The following CA1 variants were observed in gnomAD, a reference collection of about 807,000 sequenced individuals.
The protein encoded by CA1 is carbonic anhydrase 1.
In CA1, 27 loss-of-function variants were observed where a neutral mutation model predicts 28.8. That is an observed-to-expected ratio of 0.94 (90% CI 0.69 to 1.29). The LOEUF is 1.29. Ranked by LOEUF, CA1 falls within the 50% of genes most tolerant of loss-of-function variation. The probability of loss-of-function intolerance (pLI) is 0.00; values close to 1 mark genes in which losing one functional copy is unlikely to be tolerated. For synonymous variants in CA1, 121 were observed against 108.8 expected (o/e 1.11, Z -0.70); for missense variants, 335 against 310.5 (o/e 1.08, Z -0.59).
At chr8:85,328,748 T>G in intron 7 of CA1, 72 bp from the exon 8 acceptor site, 1 of 868,908 alleles carries the variant, frequency 1.2e-6, no homozygotes, top group Non-Finnish European at 1.9e-6. Context: ...ACAGGATTAC[T>G]AACGCACTGA....
chr8:85,348,165 A>T (rs1809274626), intron 1 of CA1, among the ~76,000 whole-genome samples: 1 of 152,012 alleles, frequency 6.6e-6, no homozygotes, highest in Non-Finnish European at 1.5e-5. Context: ...AAAACTACTC[A>T]CTGTTTTTCT....
At chr8:85,352,403 A>G (rs1490217221) in intron 1 of CA1, among the ~76,000 whole-genome samples, 3 of 152,132 alleles carry the variant, frequency 2.0e-5, no homozygotes, top group Non-Finnish European at 4.4e-5. Context: ...CTGAATAGAC[A>G]TGTGTGAACC....
chr8:85,362,565 G>A (rs1809839298), intron 1 of CA1, among the ~76,000 whole-genome samples: 1 of 152,054 alleles, frequency 6.6e-6, no homozygotes, highest in Non-Finnish European at 1.5e-5. Flanking sequence ...GAGGGGATGG[G>A]ATTCAAGGAA....
chr8:85,341,561 G>A (rs933720745), intron 2 of CA1, 38 bp downstream of exon 2: 1 of 1,267,976 alleles, frequency 7.9e-7, no homozygotes, highest in Non-Finnish European at 1.2e-6. Flanking sequence ...ATGGGAACAA[G>A]TTATCATTTT....
At chr8:85,334,396 C>T (rs1808550639) in intron 4 of CA1, among the ~76,000 whole-genome samples, 1 of 152,146 alleles carries the variant, frequency 6.6e-6, no homozygotes, top group Non-Finnish European at 1.5e-5. Context: ...GCATTAGCTT[C>T]TAATTTTCTC....
At chr8:85,356,525 T>C (rs1424720165) in intron 1 of CA1, among the ~76,000 whole-genome samples, 1 of 152,192 alleles carries the variant, frequency 6.6e-6, no homozygotes, top group Admixed American at 6.5e-5. Flanking sequence ...TTCACTAATT[T>C]TAGAATACGT....
At chr8:85,334,539 C>A (rs1808557044) in intron 4 of CA1, among the ~76,000 whole-genome samples, 1 of 152,078 alleles carries the variant, frequency 6.6e-6, no homozygotes, top group Non-Finnish European at 1.5e-5. Context: ...CAAAACAGTT[C>A]TATCCATATC....
Position 85,337,065 on chromosome 8 carries a change from TG to T in CA1, c.236-3del. ...CAGAGAAAGGACCACCTTTCAGCACTGGAAGAAAAGGGAACCGATTGTTAGC... is the reference window on the plus strand; with the variant it reads ...CAGAGAAAGGACCACCTTTCAGCACTGAAGAAAAGGGAACCGATTGTTAGC... On this transcript the variant is annotated splice_polypyrimidine_tract_variant and splice_region_variant and intron_variant, in intron 3 of 7. Coordinates refer to ENST00000523022, the MANE Select transcript of CA1 (RefSeq NM_001128831.4). 6.4e-7 allele frequency: 1 copy of T among 1,569,208 alleles called. No homozygotes were observed. Among genetic ancestry groups the T allele is most frequent in the Non-Finnish European group, 8.8e-7 (1 of 1,139,154 alleles).
intron 1 of CA1, among the ~76,000 whole-genome samples, chr8:85,362,890 A>G (rs932074011): frequency 3.3e-5 from 5 of 152,210 alleles, no homozygotes; most frequent in African/African-American, 1.2e-4. Context: ...ATACCTGAGA[A>G]GAAGCAATTA....
At chr8:85,333,103 T>G (rs1417331215) in intron 5 of CA1, among the ~76,000 whole-genome samples, 1 of 152,196 alleles carries the variant, frequency 6.6e-6, no homozygotes, top group Non-Finnish European at 1.5e-5. Context: ...CTCTTACTAT[T>G]TCTTTCCTAA....
At chr8:85,342,295 A>G (rs1808960823) in intron 1 of CA1, among the ~76,000 whole-genome samples, 3 of 152,206 alleles carry the variant, frequency 2.0e-5, no homozygotes, top group African/African-American at 7.2e-5. Flanking sequence ...TATTTATTTT[A>G]TACATCAAAT....
In CA1 at chr8:85,374,522, CAT is replaced by C. The variant is rs539478442; in HGVS notation, c.-25+3522_-25+3523del. ...TATTTTCATCAAAAAAATTTTGTAA[CAT>C]ATGATGTGGTTTTAATCGTACGTAA... On this transcript the variant is annotated intron_variant, in intron 1 of 7. Coordinates refer to ENST00000523022, the MANE Select transcript of CA1 (RefSeq NM_001128831.4). Among the ~76,000 whole-genome samples the C allele has an allele frequency of 7.0e-4, 107 of 152,250 alleles. 3 individuals are homozygous for C. In the South Asian group the frequency reaches 0.022, roughly 31 times the overall value.
In CA1 at chr8:85,374,617, A is replaced by G. The variant is rs187673943; in HGVS notation, c.-25+3429T>C. Among the ~76,000 whole-genome samples, 866 of 152,298 alleles carry G rather than the reference A, an allele frequency of 5.7e-3. 13 individuals carry two copies. The highest frequency in any genetic ancestry group is 0.02 in the African/African-American group (833 of 41,542). On this transcript the variant is annotated intron_variant, in intron 1 of 7. Transcript: ENST00000523022. ...GTTTTCTGGTCAAATTCTAAAACCA[A>G]ATTCTCTGCCTGCAGCTTTACACAC... is the stretch of plus-strand genomic sequence containing the variant.
intron 2 of CA1, among the ~76,000 whole-genome samples, chr8:85,339,811 A>T (rs1303452433): frequency 1.3e-5 from 2 of 152,264 alleles, no homozygotes; most frequent in African/African-American, 4.8e-5. Flanking sequence ...TGGATAGAAG[A>T]TCAAAAACCA....
chr8:85,329,905 CAT>C (rs1808333185), intron 6 of CA1, 61 bp from the exon 7 acceptor site: 1 of 1,232,156 alleles, frequency 8.1e-7, no homozygotes, highest in Admixed American at 2.0e-5. Context: ...ATATATGTGA[CAT>C]ATATATGCTA....
At chr8:85,362,189 C>T (rs1341856065) in intron 1 of CA1, among the ~76,000 whole-genome samples, 2 of 152,158 alleles carry the variant, frequency 1.3e-5, no homozygotes, top group Non-Finnish European at 2.9e-5. Context: ...TCAAAGCGAG[C>T]AGTATAAAAT....
intron 1 of CA1, 28 bp from the exon 2 acceptor site, chr8:85,341,687 A>G (rs1808940518): frequency 2.6e-6 from 3 of 1,174,218 alleles, no homozygotes; most frequent in Non-Finnish European, 1.3e-6. Context: ...ACCTGGAATA[A>G]CTAACTGCAA....
At chr8:85,354,287 TTTTTTTTC>T (rs1038658621) in intron 1 of CA1, among the ~76,000 whole-genome samples, 1 of 52,790 alleles carries the variant, frequency 1.9e-5, no homozygotes, top group South Asian at 4.4e-4. Flanking sequence ...TTTTTCTTTC[TTTTTTTTC>T]TTTTTTTTTT....
chr8:85,370,590 T>G (rs149297157), intron 1 of CA1, among the ~76,000 whole-genome samples: 1 of 152,248 alleles, frequency 6.6e-6, no homozygotes, highest in Non-Finnish European at 1.5e-5. Flanking sequence ...AGTAACCATG[T>G]CTCAGTAGAG....
Sources: gnomAD v4.1 joint callset for allele counts (sites outside exome capture counted in the v4.1 genomes callset) on GRCh38, gnomAD v4.1.1 for gene constraint, MANE v1.5 for transcripts, NCBI Gene and HGNC (gene_info 2026-07-23, HGNC 2026-07-21) for gene names.